TARBP1: variants seen among roughly 807,000 people sequenced by gnomAD.
TARBP1 encodes the protein tRNA (guanosine(18)-2'-O)-methyltransferase TARBP1.
TARBP1 carries 144 observed loss-of-function variants against 178.6 expected under a neutral mutation model. The ratio of observed to expected loss-of-function variants is 0.81; its 90% CI spans 0.70 to 0.93. The LOEUF (loss-of-function observed/expected upper bound fraction) is 0.93, where lower values mean the gene tolerates loss of function less well. Among genes scored for constraint, TARBP1 ranks in the 40% least tolerant of loss-of-function variants. TARBP1 has a pLI of 0.00. For missense variants in TARBP1, 2,067 were observed against 2,011.7 expected, an observed-to-expected ratio of 1.03 and a Z score of -0.53; for synonymous variants, 787 against 781.0, an observed-to-expected ratio of 1.01 and a Z score of -0.13.
At chr1:234,475,916 C>G (rs913984435) in intron 1 of TARBP1, among the ~76,000 whole-genome samples, 1 of 152,218 alleles carries the variant, frequency 6.6e-6, no homozygotes, top group Non-Finnish European at 1.5e-5. Flanking sequence ...CAGCAACCAA[C>G]GCCAAACCCA....
At chr1:234,469,077 T>TAAAAAAAAAAAAAAAA (rs1327979551) in intron 3 of TARBP1, among the ~76,000 whole-genome samples, 1 of 63,762 alleles carries the variant, frequency 1.6e-5, no homozygotes, top group Non-Finnish European at 2.9e-5. Context: ...TTTTTTTTTT[T>TAAAAAAAAAAAAAAAA]AAAAAAAAAA....
rs768580859 is a variant in TARBP1 at position 234,478,366 on chromosome 1, G to A, written c.738C>T (p.Gly246=). 103 of 1,271,976 alleles carry A rather than the reference G, an allele frequency of 8.1e-5. No homozygotes were observed. The African/African-American group carries it at 1.4e-3, about 17-fold the overall frequency. 78.8% of individuals were successfully genotyped at this position (1,271,976 alleles called of 1,614,324 possible). ...LAEKLLPEPG[G]DRARGAREAG... ...CCTCGCGCGCGCCGCGGGCGCGGTCGCCGCCGGGCTCGGGCAACAGCTTCT... is the reference window on the plus strand; with the variant it reads ...CCTCGCGCGCGCCGCGGGCGCGGTCACCGCCGGGCTCGGGCAACAGCTTCT... The change falls in exon 1 of 30, where the codon GGC becomes GGT. Residue 246 remains glycine (G), a synonymous_variant. Transcript: ENST00000040877.
chr1:234,471,520 C>T (rs558113534), intron 2 of TARBP1, among the ~76,000 whole-genome samples: 2 of 152,304 alleles, frequency 1.3e-5, no homozygotes, highest in East Asian at 3.9e-4. Flanking sequence ...GTCATAGAAT[C>T]CTCAACTGTC....
At chr1:234,422,406 A>C (rs1364330126) in intron 20 of TARBP1, among the ~76,000 whole-genome samples, 1 of 152,210 alleles carries the variant, frequency 6.6e-6, no homozygotes, top group Non-Finnish European at 1.5e-5. Context: ...TTGGCCATAA[A>C]AAAGAATGAG....
chr1:234,434,488 G>C (rs1208253321), intron 13 of TARBP1, among the ~76,000 whole-genome samples: 3 of 152,180 alleles, frequency 2.0e-5, no homozygotes, highest in African/African-American at 7.2e-5. Context: ...AGGGATGAAG[G>C]TGCCAGGAAG....
chr1:234,401,090 T>C lies in TARBP1; in HGVS notation c.4071+91A>G, dbSNP rs1437041932. 4.9e-6 allele frequency: 5 copies of C among 1,011,418 alleles called. No homozygotes were observed. In the Admixed American group the frequency reaches 1.0e-4, roughly 21 times the overall value. The allele number at this position is 1,011,418 out of a possible 1,614,324, so 62.7% of individuals were successfully genotyped here. A position where few individuals can be genotyped will look rare whatever the true frequency, so the allele number is the denominator to read the frequency against. On this transcript the variant is annotated intron_variant, in intron 25 of 29. Coordinates refer to ENST00000040877, the MANE Select transcript of TARBP1 (RefSeq NM_005646.4). Reference sequence around the variant, plus strand: ...ATGTTTGTAAGCAAGAAAAAAACTTTACCCTAATCACAACCCTTCAACAAA... The same window carrying C: ...ATGTTTGTAAGCAAGAAAAAAACTTCACCCTAATCACAACCCTTCAACAAA...
chr1:234,446,056 T>TGG (rs758816640), intron 12 of TARBP1, among the ~76,000 whole-genome samples: 45,671 of 152,046 alleles, frequency 0.3, 7,058 homozygotes, highest in Admixed American at 0.41. Context: ...AAATATTTTT[T>TGG]ATATTTCATA....
intron 20 of TARBP1, among the ~76,000 whole-genome samples, chr1:234,421,627 G>A (rs1336467628): frequency 6.6e-6 from 1 of 152,212 alleles, no homozygotes; most frequent in Non-Finnish European, 1.5e-5. Flanking sequence ...TACGCATGAC[G>A]TGTCTCTCGA....
chr1:234,404,218 A>T (rs2103050000), intron 24 of TARBP1, among the ~76,000 whole-genome samples: 1 of 152,282 alleles, frequency 6.6e-6, no homozygotes, highest in Admixed American at 6.5e-5. Context: ...CTACAAGCTG[A>T]CAAATGCCTA....
chr1:234,393,427 A>G lies in TARBP1; in HGVS notation c.4495T>C (p.Cys1499Arg). The change falls in exon 28 of 30, where the codon TGT becomes CGT. Residue 1499 changes from cysteine (C) to arginine (R), a missense_variant. Cys to Arg is a radical substitution (Grantham distance 180). Coordinates refer to ENST00000040877, the MANE Select transcript of TARBP1 (RefSeq NM_005646.4). ...ASVLVVGSLQ[C>R]ISDKQFQHLS... ...TGCTGAAACTGTTTGTCGCTGATACACTGAAGGCTGCCAACAACGAGCACT... is the reference window on the plus strand; with the variant it reads ...TGCTGAAACTGTTTGTCGCTGATACGCTGAAGGCTGCCAACAACGAGCACT... 2 of 1,610,952 alleles carry G rather than the reference A, an allele frequency of 1.2e-6. No individual in the cohort carries two copies. Among genetic ancestry groups the G allele is most frequent in the East Asian group, 2.2e-5 (1 of 44,866 alleles).
chr1:234,406,266 G>A (rs562045037), intron 23 of TARBP1, 167 bp from the exon 24 acceptor site: 27 of 616,650 alleles, frequency 4.4e-5, no homozygotes, highest in Non-Finnish European at 6.8e-5. Context: ...CAAATGCGGT[G>A]CACAGGCATT....
chr1:234,448,898 T>C (rs757591524), intron 10 of TARBP1, among the ~76,000 whole-genome samples: 24 of 152,028 alleles, frequency 1.6e-4, no homozygotes, highest in Non-Finnish European at 3.4e-4. Flanking sequence ...AAAATGCAAT[T>C]ATAGTGAGGG....
chr1:234,478,815 G>A lies in TARBP1; in HGVS notation c.289C>T (p.Leu97=), dbSNP rs1350022384. ...SLQPRHRRRV[L]RAAGAALRSC... ...CGCAGGGCCGCGCCCGCCGCCCTCA[G>A]CACGCGCCGGCGGTGGCGAGGCTGC... The change falls in exon 1 of 30, where the codon CTG becomes TTG. Residue 97 remains leucine (L), a synonymous_variant. Transcript: ENST00000040877. The A allele has an allele frequency of 4.3e-6, 5 of 1,166,828 alleles. No individual in the cohort carries two copies. The highest frequency in any genetic ancestry group is 5.3e-6 in the Non-Finnish European group (5 of 948,904). 72.3% of individuals were successfully genotyped at this position (1,166,828 alleles called of 1,614,324 possible). A position where few individuals can be genotyped will look rare whatever the true frequency, so the allele number is the denominator to read the frequency against.
At chr1:234,446,254 C>T (rs1666167260) in intron 12 of TARBP1, among the ~76,000 whole-genome samples, 1 of 152,084 alleles carries the variant, frequency 6.6e-6, no homozygotes, top group Non-Finnish European at 1.5e-5. Context: ...GTTTTACATA[C>T]CTTAGTTTAA....
chr1:234,431,026 C>T (rs1361609466), intron 14 of TARBP1, among the ~76,000 whole-genome samples: 3 of 152,200 alleles, frequency 2.0e-5, no homozygotes, highest in Non-Finnish European at 4.4e-5. Flanking sequence ...CCAAGACAAC[C>T]TGGTCTATAC....
chr1:234,476,755 A>G lies in TARBP1; in HGVS notation c.931+1418T>C, dbSNP rs540444943. On this transcript the variant is annotated intron_variant, in intron 1 of 29. Transcript: ENST00000040877. The stretch of plus-strand genomic sequence containing the variant: ...TAACTGTGACAATATATTTTATGAT[A>G]TAACTAAGATATACTATGTCAAGAC... 5.9e-5 allele frequency among the ~76,000 whole-genome samples: 9 copies of G among 152,370 alleles called. No individual in the cohort carries two copies. In the South Asian group the frequency reaches 6.2e-4, roughly 11 times the overall value.
intron 9 of TARBP1, among the ~76,000 whole-genome samples, chr1:234,452,335 G>A (rs1666869969): frequency 6.6e-6 from 1 of 152,120 alleles, no homozygotes; most frequent in African/African-American, 2.4e-5. Context: ...TCTGATAAAG[G>A]ACTGGTATCC....
chr1:234,441,534 T>C (rs1043513492), intron 12 of TARBP1, among the ~76,000 whole-genome samples: 1 of 152,184 alleles, frequency 6.6e-6, no homozygotes, highest in Non-Finnish European at 1.5e-5. Context: ...AATTAATTAT[T>C]TGTCAACAAT....
rs1213530354 is a variant in TARBP1 at position 234,401,268 on chromosome 1, G to A, written c.3990-6C>T. 6.2e-7 allele frequency: 1 copy of A among 1,605,950 alleles called. No individual in the cohort carries two copies. The highest frequency in any genetic ancestry group is 2.3e-5 in the East Asian group (1 of 44,382). On this transcript the variant is annotated splice_region_variant and splice_polypyrimidine_tract_variant and intron_variant, in intron 24 of 29. Transcript: ENST00000040877. ...GCCAATTCTTCTTGGCATTCCTAAG[G>A]ATTAAAAATATGGTATGAGCCACAG...
Sources: allele counts gnomAD v4.1 joint callset (sites outside exome capture counted in the v4.1 genomes callset), GRCh38; gene constraint gnomAD v4.1.1; transcripts MANE v1.5; gene names NCBI Gene and HGNC (gene_info 2026-07-23, HGNC 2026-07-21).